TLE2: variants seen among roughly 807,000 people sequenced by gnomAD.
The protein encoded by TLE2 is transducin-like enhancer protein 2.
Under a neutral mutation model 97.2 loss-of-function variants are expected in TLE2, and 74 were observed. The observed-to-expected ratio is 0.76, with a 90% CI of 0.63 to 0.92. The LOEUF is 0.92. TLE2 is among the 40% of genes least tolerant of loss of function. The pLI is 0.00. For synonymous variants in TLE2, 499 were observed against 432.1 expected, an observed-to-expected ratio of 1.15 and a Z score of -1.92; for missense variants, 1,038 against 1,008.7, an observed-to-expected ratio of 1.03 and a Z score of -0.39.
Position 3,019,998 on chromosome 19 carries a change from T to A in TLE2, c.295-225A>T, listed in dbSNP as rs2145182216. On this transcript the variant is annotated intron_variant, in intron 5 of 19. Transcript: ENST00000262953. This position sits in a 1 kb window ranked among gnomAD's most constrained non-coding sequence, Gnocchi z 5.1. ...TAAGTGCAGGTAGAATAGTTACAAA[T>A]CAGGCCGGGCATGGTGGCTCACGCC... is the stretch of plus-strand genomic sequence containing the variant. The A allele has an allele frequency of 1.6e-6, 1 of 624,364 alleles. No homozygotes were observed. The highest frequency in any genetic ancestry group is 2.1e-5 in the South Asian group (1 of 48,586). 38.7% of individuals were successfully genotyped at this position (624,364 alleles called of 1,614,324 possible).
chr19:3,019,802 G>A lies in TLE2; in HGVS notation c.295-29C>T, dbSNP rs1051604192. The A allele has an allele frequency of 6.2e-7, 1 of 1,602,976 alleles. No homozygotes were observed. The highest frequency in any genetic ancestry group is 1.7e-5 in the Admixed American group (1 of 58,526). On this transcript the variant is annotated intron_variant, in intron 5 of 19. Transcript: ENST00000262953. The surrounding 1 kb of genome is among the most constrained non-coding windows in gnomAD (Gnocchi z 5.1). ...GCGGGTGGAAGGGATCAGGTAGAGG[G>A]TACATTGAGCCCCTGCTCATGCTAG...
At chr19:3,028,616 A>G (rs975667720) in intron 2 of TLE2, 90 bp downstream of exon 2, 6 of 1,441,390 alleles carry the variant, frequency 4.2e-6, no homozygotes, top group Non-Finnish European at 5.8e-6. Flanking sequence ...TCCAACCGGG[A>G]GCCCCTCCTC....
rs764418889 is a variant in TLE2 at position 3,009,709 on chromosome 19, C to A, written c.1013-7G>T. On this transcript the variant is annotated splice_region_variant and splice_polypyrimidine_tract_variant and intron_variant, in intron 12 of 19. Coordinates refer to ENST00000262953, the MANE Select transcript of TLE2 (RefSeq NM_003260.5). ...GTCAGGGGGCTCCTCAGGGCTGAGA[C>A]GGAAGAGTCGGGGACAGGTTTTGAC... 3 of 1,606,104 alleles carry A rather than the reference C, an allele frequency of 1.9e-6. No individual in the cohort carries two copies. The South Asian group carries it at 3.4e-5, about 18-fold the overall frequency.
intron 13 of TLE2, among the ~76,000 whole-genome samples, chr19:3,009,196 A>C (rs1280350200): frequency 6.6e-6 from 1 of 152,172 alleles, no homozygotes; most frequent in African/African-American, 2.4e-5. Context: ...TCTCCATCCA[A>C]TGCCCAGACT....
intron 13 of TLE2, among the ~76,000 whole-genome samples, chr19:3,009,303 C>T (rs1469252973): frequency 6.6e-6 from 1 of 152,236 alleles, no homozygotes; most frequent in African/African-American, 2.4e-5. Flanking sequence ...CAAGGCCCTA[C>T]TGCTCCTCTT....
chr19:3,003,459 G>A (rs938851522), intron 17 of TLE2, among the ~76,000 whole-genome samples: 9 of 152,018 alleles, frequency 5.9e-5, no homozygotes, highest in South Asian at 2.1e-4. Context: ...CCAACATGGC[G>A]AAAACCCATC....
intron 8 of TLE2, among the ~76,000 whole-genome samples, chr19:3,017,141 T>C (rs945913868): frequency 6.6e-6 from 1 of 151,516 alleles, no homozygotes; most frequent in Non-Finnish European, 1.5e-5. Flanking sequence ...TTGTGGTTGC[T>C]GTTGTTTGTT....
chr19:3,028,333 GC>G lies in TLE2; in HGVS notation c.171del (p.Gln57HisfsTer25). The G allele has an allele frequency of 6.2e-7, 1 of 1,609,496 alleles. No homozygotes were observed. The highest frequency in any genetic ancestry group is 8.5e-7 in the Non-Finnish European group (1 of 1,177,914). On this transcript the variant is annotated frameshift_variant, in exon 3 of 20. Transcript: ENST00000262953. LOFTEE classifies it high-confidence loss of function. ...AGTGCCCTCACCATGACATAATGTC[GC>G]TGCATTTCCGTCTTCTCGCTGGCCA... ...EKLASEKTEM[Q>X]RHYVMYYEMS...
In TLE2 at chr19:3,006,669, C is replaced by T. The variant is rs2089486393; in HGVS notation, c.1251G>A (p.Pro417=). ...CCGCAGACACGTGGAAGGAGTAGGCCCTGGAGAGAAAGCCGGGGCATGACC... is the reference window on the plus strand; with the variant it reads ...CCGCAGACACGTGGAAGGAGTAGGCTCTGGAGAGAAAGCCGGGGCATGACC... The part of the protein sequence containing the change: ...SSLPSIPGGK[P]AYSFHVSADG... Residue 417 remains proline (P), a splice_region_variant and synonymous_variant, in exon 15 of 20, where the codon CCG becomes CCA. Coordinates refer to ENST00000262953, the MANE Select transcript of TLE2 (RefSeq NM_003260.5). 1 of 1,587,546 alleles carries T rather than the reference C, an allele frequency of 6.3e-7. No homozygotes were observed. Among genetic ancestry groups the T allele is most frequent in the Non-Finnish European group, 8.6e-7 (1 of 1,164,274 alleles).
chr19:3,013,513 G>A (rs1265335717), intron 11 of TLE2, among the ~76,000 whole-genome samples, 156 bp downstream of exon 11: 2 of 151,878 alleles, frequency 1.3e-5, no homozygotes, highest in Non-Finnish European at 2.9e-5. Context: ...GTCAGTCCAA[G>A]CAGGAGGTTT....
chr19:3,011,647 T>C (rs2089600035), intron 11 of TLE2, among the ~76,000 whole-genome samples: 2 of 149,626 alleles, frequency 1.3e-5, no homozygotes, highest in Admixed American at 1.3e-4. Context: ...GTCAGGAGTT[T>C]GAGGCCAGCC....
rs2089990048 is a variant in TLE2, at chr19:3,028,785, G to T, written c.43C>A (p.Gln15Lys). Residue 15 changes from glutamine (Q) to lysine (K), a missense_variant, in exon 2 of 20, where the codon CAG becomes AAG. Gln to Lys is a moderately conservative substitution (Grantham distance 53, BLOSUM62 1). Transcript: ENST00000262953. ...GRHPTPLQSG[Q>K]PFKFSILEIC... Reference sequence around the variant, plus strand: ...TCCAAGATCGAGAACTTGAAGGGCTGGCCGGACTGGAGCGGGGTCTGGGGG... The same window carrying T: ...TCCAAGATCGAGAACTTGAAGGGCTTGCCGGACTGGAGCGGGGTCTGGGGG... 1 of 1,612,834 alleles carries T rather than the reference G, an allele frequency of 6.2e-7. No homozygotes were observed. The highest frequency in any genetic ancestry group is 2.2e-5 in the East Asian group (1 of 44,856).
At chr19:3,011,186 G>A (rs2089588132) in intron 11 of TLE2, 26 bp from the exon 12 acceptor site, 2 of 1,547,536 alleles carry the variant, frequency 1.3e-6, no homozygotes, top group Admixed American at 2.0e-5. Flanking sequence ...AGGACTGAAG[G>A]CCACCAGGCA....
At chr19:3,027,102 T>G (rs1202723947) in intron 4 of TLE2, among the ~76,000 whole-genome samples, 1 of 152,090 alleles carries the variant, frequency 6.6e-6, no homozygotes, top group African/African-American at 2.4e-5. Context: ...GAGGTCAATC[T>G]CAGAACCCTG....
intron 8 of TLE2, among the ~76,000 whole-genome samples, chr19:3,016,451 A>G (rs1049246671): frequency 7.6e-5 from 11 of 145,240 alleles, no homozygotes; most frequent in African/African-American, 2.7e-4. Flanking sequence ...TTAGCCGGGC[A>G]TGGTGGCGGG....
upstream of TLE2, among the ~76,000 whole-genome samples, chr19:3,046,571 A>AC (rs963135539): frequency 8.7e-4 from 119 of 136,434 alleles, no homozygotes; most frequent in Admixed American, 2.2e-3. Context: ...CCTGACAGAC[A>AC]CCCCCCCACC....
intron 1 of TLE2, among the ~76,000 whole-genome samples, chr19:3,043,029 A>T (rs1009040274): frequency 6.6e-6 from 1 of 152,154 alleles, no homozygotes; most frequent in Admixed American, 6.6e-5. Flanking sequence ...TGTGTGGCCC[A>T]GGCTGCTCTC....
chr19:3,009,587 C>T lies in TLE2; in HGVS notation c.1128G>A (p.Leu376=). ...CCACAGAGCTGCTGACCTGGGGGGA[C>T]AGGTGGAGGCTGACGTAGGAGCTGG... The part of the protein sequence containing the change: ...SVPSSYVSLH[L]SPQVSSSVVY... The change falls in exon 13 of 20, where the codon CTG becomes CTA. Residue 376 remains leucine (L), a synonymous_variant. Transcript: ENST00000262953. 1 of 1,613,390 alleles carries T rather than the reference C, an allele frequency of 6.2e-7. No individual in the cohort carries two copies. Among genetic ancestry groups the T allele is most frequent in the Non-Finnish European group, 8.5e-7 (1 of 1,179,674 alleles).
chr19:3,018,991 C>T (rs2089778798), intron 7 of TLE2, among the ~76,000 whole-genome samples: 3 of 152,022 alleles, frequency 2.0e-5, no homozygotes, highest in South Asian at 2.1e-4. Context: ...CTCTAACTCC[C>T]GGCCTCAAGT....
Sources: allele counts gnomAD v4.1 joint callset (sites outside exome capture counted in the v4.1 genomes callset), GRCh38; gene constraint gnomAD v4.1.1; non-coding constraint Gnocchi (gnomAD v3.1); transcripts MANE v1.5; gene names NCBI Gene and HGNC (gene_info 2026-07-23, HGNC 2026-07-21).